The following GABRB1 variants were observed in gnomAD, a reference collection of about 807,000 sequenced individuals.
GABRB1 encodes the protein gamma-aminobutyric acid type A receptor subunit beta1, also known as gamma-aminobutyric acid receptor subunit beta-1.
In GABRB1, 17 loss-of-function variants were observed where a neutral mutation model predicts 51.6. That is an observed-to-expected ratio of 0.33 (90% confidence interval 0.23 to 0.49). The LOEUF (loss-of-function observed/expected upper bound fraction) is 0.49. Among genes scored for constraint, GABRB1 ranks in the 20% least tolerant of loss-of-function variants. The pLI, the probability that GABRB1 is intolerant of heterozygous loss-of-function variation, is 0.99. For missense variants in GABRB1, 410 were observed against 600.6 expected, an observed-to-expected ratio of 0.68 and a Z score of 3.32; for synonymous variants, 247 against 218.9, an observed-to-expected ratio of 1.13 and a Z score of -1.14.
At chr4:47,083,916 G>T (rs972026398) in intron 3 of GABRB1, among the ~76,000 whole-genome samples, 1 of 152,052 alleles carries the variant, frequency 6.6e-6, no homozygotes, top group Non-Finnish European at 1.5e-5. Flanking sequence ...GCTCCCAGCT[G>T]CTCATTCTGT....
chr4:47,079,185 T>C (rs1318400444), intron 3 of GABRB1, among the ~76,000 whole-genome samples: 1 of 151,802 alleles, frequency 6.6e-6, no homozygotes, highest in African/African-American at 2.4e-5. Context: ...TCAGAAGGAA[T>C]GGTACCAGCT....
intron 4 of GABRB1, among the ~76,000 whole-genome samples, chr4:47,190,637 G>A (rs1003900133): frequency 6.6e-6 from 1 of 152,102 alleles, no homozygotes; most frequent in Non-Finnish European, 1.5e-5. Flanking sequence ...ATTCTAAGAG[G>A]TTGAGTTGGG....
intron 3 of GABRB1, among the ~76,000 whole-genome samples, chr4:47,061,163 A>G (rs1726831564): frequency 6.6e-6 from 1 of 152,190 alleles, no homozygotes. Flanking sequence ...GGAAATCTGG[A>G]CATCTGTAAT....
At chr4:47,246,846 A>G (rs567005815) in intron 4 of GABRB1, among the ~76,000 whole-genome samples, 2 of 152,046 alleles carry the variant, frequency 1.3e-5, no homozygotes, top group East Asian at 1.9e-4. Flanking sequence ...TTGTCTATTC[A>G]TGTCCTTAGC....
chr4:47,042,884 A>T (rs1023161613), intron 3 of GABRB1, among the ~76,000 whole-genome samples: 5 of 152,026 alleles, frequency 3.3e-5, no homozygotes, highest in African/African-American at 9.7e-5. Context: ...TCATGTATAC[A>T]TAATTTTATC....
chr4:47,423,405 T>C (rs1729153108), intron 8 of GABRB1, among the ~76,000 whole-genome samples: 1 of 152,186 alleles, frequency 6.6e-6, no homozygotes, highest in Non-Finnish European at 1.5e-5. Context: ...CTTCACTCAA[T>C]TACTTACTTT....
intron 3 of GABRB1, among the ~76,000 whole-genome samples, chr4:47,078,244 C>A (rs1031206190): frequency 2.0e-4 from 30 of 151,878 alleles, no homozygotes; most frequent in African/African-American, 7.0e-4. Context: ...CTCAGCCTCC[C>A]AAAGTGCTGG....
chr4:47,116,043 T>C (rs1222049545), intron 3 of GABRB1, among the ~76,000 whole-genome samples: 1 of 152,166 alleles, frequency 6.6e-6, no homozygotes, highest in African/African-American at 2.4e-5. Flanking sequence ...AGTATTGGTG[T>C]TTTGTTTTGT....
At chr4:47,168,471 T>C (rs894193094) in intron 4 of GABRB1, among the ~76,000 whole-genome samples, 3 of 152,168 alleles carry the variant, frequency 2.0e-5, no homozygotes, top group Non-Finnish European at 4.4e-5. Flanking sequence ...TGATGTCATG[T>C]TTGTGATTAT....
chr4:47,242,912 C>T (rs1049412210), intron 4 of GABRB1, among the ~76,000 whole-genome samples: 11 of 152,178 alleles, frequency 7.2e-5, no homozygotes, highest in Middle Eastern at 3.4e-3. Flanking sequence ...TTGTCAATTT[C>T]GGCTTTCGTT....
At chr4:47,047,999 T>C (rs993613261) in intron 3 of GABRB1, among the ~76,000 whole-genome samples, 1 of 152,168 alleles carries the variant, frequency 6.6e-6, no homozygotes, top group Non-Finnish European at 1.5e-5. Flanking sequence ...AAGATAATTA[T>C]ATCTGTCCTA....
chr4:47,215,348 T>C (rs1720513776), intron 4 of GABRB1, among the ~76,000 whole-genome samples: 1 of 152,182 alleles, frequency 6.6e-6, no homozygotes. Context: ...AGTATTGCTG[T>C]TGCTTTGTAT....
chr4:47,119,314 C>A (rs1328159513), intron 3 of GABRB1, among the ~76,000 whole-genome samples: 1 of 151,754 alleles, frequency 6.6e-6, no homozygotes, highest in Non-Finnish European at 1.5e-5. Flanking sequence ...GTAAAATATT[C>A]AAATTTAGAA....
At chr4:47,296,743 T>C (rs1724014349) in intron 4 of GABRB1, among the ~76,000 whole-genome samples, 1 of 152,152 alleles carries the variant, frequency 6.6e-6, no homozygotes, top group African/African-American at 2.4e-5. Context: ...TGAACTCAGC[T>C]CTGCACTAAG....
intron 4 of GABRB1, among the ~76,000 whole-genome samples, chr4:47,211,822 C>A (rs1240890590): frequency 6.6e-6 from 1 of 152,164 alleles, no homozygotes; most frequent in Non-Finnish European, 1.5e-5. Context: ...TTCCTCACTT[C>A]ATGTCTTCAC....
At chr4:47,000,951 A>G (rs914170877) in intron 1 of GABRB1, among the ~76,000 whole-genome samples, 3 of 152,160 alleles carry the variant, frequency 2.0e-5, no homozygotes, top group Non-Finnish European at 4.4e-5. Context: ...ACTGAGAGAT[A>G]TGATTCATTT....
At chr4:47,131,167 T>C (rs1050735725) in intron 3 of GABRB1, among the ~76,000 whole-genome samples, 1 of 146,714 alleles carries the variant, frequency 6.8e-6, no homozygotes, top group Non-Finnish European at 1.5e-5. Context: ...TCTGGAGAAT[T>C]TTTTTTTTTT....
rs557382638 is a variant in GABRB1 at position 47,425,516 on chromosome 4, A to AGATAGATAGATAGATCGATC, written c.1081-155_1081-154insAGATAGATAGATCGATCGAT. On this transcript the variant is annotated intron_variant, in intron 8 of 8. Transcript: ENST00000295454. ...TAGATAGATAGATAGATAGATAGAT[A>AGATAGATAGATAGATCGATC]GATCGATCGATCTATCTCCACATCA... Among the ~76,000 whole-genome samples the AGATAGATAGATAGATCGATC allele has an allele frequency of 1.5e-4, 22 of 149,544 alleles. No individual in the cohort carries two copies. In the East Asian group the frequency reaches 2.8e-3, roughly 19 times the overall value.
intron 4 of GABRB1, among the ~76,000 whole-genome samples, chr4:47,225,075 A>G (rs768883889): frequency 7.2e-5 from 11 of 151,998 alleles, no homozygotes; most frequent in Non-Finnish European, 1.2e-4. Flanking sequence ...TGGAATTTTT[A>G]GTAGAGATGG....
Sources: gnomAD v4.1 joint callset for allele counts (sites outside exome capture counted in the v4.1 genomes callset) on GRCh38, gnomAD v4.1.1 for gene constraint, MANE v1.5 for transcripts, NCBI Gene and HGNC (gene_info 2026-07-23, HGNC 2026-07-21) for gene names.